GPR143: variants seen among roughly 807,000 people sequenced by gnomAD.
GPR143 encodes the protein G-protein coupled receptor 143.
In GPR143, 8 loss-of-function variants were observed where a neutral mutation model predicts 27.6. The ratio of observed to expected loss-of-function variants is 0.29; its 90% CI spans 0.17 to 0.52. The LOEUF (loss-of-function observed/expected upper bound fraction) is 0.52. Among genes scored for constraint, GPR143 ranks in the 20% least tolerant of loss-of-function variants. The pLI, the probability that GPR143 is intolerant of heterozygous loss-of-function variation, is 0.96. For missense variants in GPR143, 303 were observed against 343.1 expected (o/e 0.88, Z 0.92); for synonymous variants, 156 against 153.2 (o/e 1.02, Z -0.13).
At chrX:9,764,393 G>T (rs898728988) in intron 1 of GPR143, among the ~76,000 whole-genome samples, 17 of 110,908 alleles carry the variant, frequency 1.5e-4, no homozygotes, top group Non-Finnish European at 5.7e-5. Context: ...TGCAGTTTGC[G>T]CACCTGTGGT....
Position 9,752,442 on chromosome X carries a change from C to A in GPR143, c.456-3776G>T, listed in dbSNP as rs142441277. Among the ~76,000 whole-genome samples the A allele has an allele frequency of 6.1e-3, 680 of 111,853 alleles. 3 individuals are homozygous for A. The highest frequency in any genetic ancestry group is 0.021 in the African/African-American group (646 of 30,777). On this transcript the variant is annotated intron_variant, in intron 3 of 8. Coordinates refer to ENST00000467482, the MANE Select transcript of GPR143 (RefSeq NM_000273.3). The stretch of plus-strand genomic sequence containing the variant: ...TACATTTCCCTAAAGATGTCCCTGT[C>A]CTAATTTCTGGAACCTGTGAATATG...
chrX:9,776,058 G>A (rs907094938), intron 1 of GPR143, among the ~76,000 whole-genome samples: 2 of 111,971 alleles, frequency 1.8e-5, no homozygotes, highest in African/African-American at 6.5e-5. Context: ...CACTCAAGTA[G>A]CCTTGGGTAG....
chrX:9,749,283 C>T (rs1480386647), intron 3 of GPR143, among the ~76,000 whole-genome samples: 1 of 102,289 alleles, frequency 9.8e-6, no homozygotes, highest in East Asian at 3.2e-4. Flanking sequence ...AGAAGGTGTC[C>T]TGCTTCCCCT....
At chrX:9,725,980 CAAAAAA>C (rs35066814) in intron 8 of GPR143, 140 bp from the exon 9 acceptor site, 580 of 352,886 alleles carry the variant, frequency 1.6e-3, no homozygotes, top group Middle Eastern at 6.9e-3. Context: ...ATCTCATCTG[CAAAAAA>C]AAAAAAAAAA....
chrX:9,726,269 T>C (rs192147679), intron 8 of GPR143, among the ~76,000 whole-genome samples: 1 of 111,380 alleles, frequency 9.0e-6, no homozygotes, highest in African/African-American at 3.3e-5. Flanking sequence ...AGGGACCCTA[T>C]GGTTGCCTGG....
At chrX:9,751,085 C>T (rs5979172) in intron 3 of GPR143, among the ~76,000 whole-genome samples, 10,167 of 112,418 alleles carry the variant, frequency 0.09, 1,062 homozygotes, top group African/African-American at 0.31. Context: ...TCACCTCGGC[C>T]AGACCCACTT....
At chrX:9,763,284 C>G (rs2083511830) in intron 1 of GPR143, among the ~76,000 whole-genome samples, 1 of 110,376 alleles carries the variant, frequency 9.1e-6, no homozygotes, top group African/African-American at 3.3e-5. Context: ...TTTGACCAGC[C>G]TGGGCAAGAT....
At chrX:9,738,329 CT>C in intron 8 of GPR143, 1 of 501,782 alleles carries the variant, frequency 2.0e-6, no homozygotes, top group Non-Finnish European at 2.4e-6. Context: ...ACATTTTTTG[CT>C]TCATTCCCTA....
chrX:9,748,718 C>T, intron 3 of GPR143, 52 bp from the exon 4 acceptor site: 1 of 833,975 alleles, frequency 1.2e-6, no homozygotes, highest in Admixed American at 2.3e-5. Flanking sequence ...CAGAGGCCTG[C>T]CTGGAACTGC....
At chrX:9,726,137 TGA>T (rs2083326317) in intron 8 of GPR143, among the ~76,000 whole-genome samples, 2 of 110,729 alleles carry the variant, frequency 1.8e-5, no homozygotes, top group African/African-American at 6.6e-5. Context: ...ATGCTGCAGG[TGA>T]CACAACTGTT....
intron 6 of GPR143, among the ~76,000 whole-genome samples, chrX:9,741,826 G>A (rs1280936007): frequency 8.9e-6 from 1 of 111,804 alleles, no homozygotes. Context: ...CCAGGAAATC[G>A]AGCCTGCAGT....
chrX:9,775,574 A>G (rs2083568474), intron 1 of GPR143, among the ~76,000 whole-genome samples: 1 of 111,960 alleles, frequency 8.9e-6, no homozygotes, highest in Admixed American at 9.5e-5. Flanking sequence ...CTCGTCTAAG[A>G]TCACACATCT....
At chrX:9,732,458 G>A (rs184963794) in intron 8 of GPR143, among the ~76,000 whole-genome samples, 17 of 111,646 alleles carry the variant, frequency 1.5e-4, no homozygotes, top group African/African-American at 4.6e-4. Flanking sequence ...TGTATCTTGG[G>A]AGAAAAGGAA....
chrX:9,766,103 A>C, upstream of GPR143: 1 of 202,085 alleles, frequency 4.9e-6, no homozygotes, highest in Non-Finnish European at 9.1e-6. Flanking sequence ...GAGAAGCAGA[A>C]AGGTTGGGAA....
At chrX:9,770,374 A>G (rs192677114), upstream of GPR143, among the ~76,000 whole-genome samples, 213 of 107,031 alleles carry the variant, frequency 2.0e-3, 1 homozygote, top group Non-Finnish European at 3.3e-3. Flanking sequence ...CAGCCAATAC[A>G]TAAGTCCATG....
intron 3 of GPR143, among the ~76,000 whole-genome samples, chrX:9,755,177 G>T (rs938220993): frequency 1.8e-5 from 2 of 111,892 alleles, no homozygotes; most frequent in African/African-American, 6.5e-5. Context: ...CAACACTTTG[G>T]GATGCCGAGG....
At chrX:9,763,815 T>C (rs1274986537) in intron 1 of GPR143, among the ~76,000 whole-genome samples, 2 of 112,347 alleles carry the variant, frequency 1.8e-5, no homozygotes, top group Non-Finnish European at 3.8e-5. Context: ...TTCTTAATAT[T>C]TTTGGCTTTG....
Position 9,760,914 on chromosome X carries a change from TAGATAG to T in GPR143, c.251-94_251-89del, listed in dbSNP as rs113036769. 3.5e-3 allele frequency: 1,761 copies of T among 499,207 alleles called. 35 individuals carry two copies. The African/African-American group carries it at 0.039, about 11-fold the overall frequency. 41.1% of individuals were successfully genotyped at this position (499,207 alleles called of 1,213,427 possible). A position where few individuals can be genotyped will look rare whatever the true frequency, so the allele number is the denominator to read the frequency against. On this transcript the variant is annotated intron_variant, in intron 1 of 8. Coordinates refer to ENST00000467482, the MANE Select transcript of GPR143 (RefSeq NM_000273.3). Reference sequence around the variant, plus strand: ...CTTTGGAAAAATGATAGATACATAATAGATAGAGATAGGAAGAGAGGAAGGAAGAAG... The same window carrying T: ...CTTTGGAAAAATGATAGATACATAATAGATAGGAAGAGAGGAAGGAAGAAG...
chrX:9,754,042 G>A (rs925347655), intron 3 of GPR143, among the ~76,000 whole-genome samples: 1 of 111,549 alleles, frequency 9.0e-6, no homozygotes, highest in Non-Finnish European at 1.9e-5. Flanking sequence ...GTGCCATCCA[G>A]TCTTGGGTTT....
Sources: gnomAD v4.1 joint callset for allele counts (sites outside exome capture counted in the v4.1 genomes callset) on GRCh38, gnomAD v4.1.1 for gene constraint, MANE v1.5 for transcripts, NCBI Gene and HGNC (gene_info 2026-07-23, HGNC 2026-07-21) for gene names.